Variants in SERINC2 observed in about 807,000 individuals in gnomAD.
The protein encoded by SERINC2 is serine incorporator 2.
SERINC2 carries 56 observed loss-of-function variants against 54.2 expected under a neutral mutation model. The ratio of observed to expected loss-of-function variants is 1.03; its 90% CI spans 0.83 to 1.29. The LOEUF is 1.29. Among genes scored for constraint, SERINC2 ranks in the 50% most tolerant of loss-of-function variants. SERINC2 has a pLI of 0.00. For missense variants in SERINC2, 614 were observed against 607.4 expected (o/e 1.01, Z -0.12); for synonymous variants, 272 against 253.1 (o/e 1.07, Z -0.71).
In SERINC2 at chr1:31,426,658, C is replaced by G. The variant is rs782506448; in HGVS notation, c.615C>G (p.Leu205=). Residue 205 remains leucine, a synonymous_variant, in exon 6 of 10, where the codon CTC becomes CTG. Transcript: ENST00000373709. Reference sequence around the variant, plus strand: ...CTCACTACCCCTCTGGCCCAGGCCTCTTCTTCTTCACTCTCCTCTTCTACT... The same window carrying G: ...CTCACTACCCCTCTGGCCCAGGCCTGTTCTTCTTCACTCTCCTCTTCTACT... ...ECDSRAWYAG[L]FFFTLLFYLL... 2 of 1,606,884 alleles carry G rather than the reference C, an allele frequency of 1.2e-6. No individual in the cohort carries two copies. The highest frequency in any genetic ancestry group is 1.7e-6 in the Non-Finnish European group (2 of 1,174,312).
intron 1 of SERINC2, chr1:31,414,053 C>G (rs781929083): frequency 6.6e-7 from 1 of 1,510,258 alleles, no homozygotes; most frequent in South Asian, 1.3e-5. Flanking sequence ...TAGCTGCCCT[C>G]GAGTGAGGCG....
At chr1:31,415,340 G>A (rs1385264536) in intron 1 of SERINC2, among the ~76,000 whole-genome samples, 3 of 152,164 alleles carry the variant, frequency 2.0e-5, no homozygotes, top group Non-Finnish European at 4.4e-5. Context: ...TGGGGTTCTG[G>A]CCTCCGACAT....
At chr1:31,433,917 G>T in intron 9 of SERINC2, 147 bp from the exon 10 acceptor site, 2 of 780,342 alleles carry the variant, frequency 2.6e-6, no homozygotes, top group Non-Finnish European at 4.2e-6. Flanking sequence ...CACAAGGCCG[G>T]GTGTTAAAAA....
At chr1:31,412,023 AAAAAG>A (rs1640658644), upstream of SERINC2, among the ~76,000 whole-genome samples, 1 of 150,848 alleles carries the variant, frequency 6.6e-6, no homozygotes, top group Non-Finnish European at 1.5e-5. Context: ...AAAAAAAAAA[AAAAAG>A]AGGAGGGCAT....
chr1:31,424,759 GCTACCGCGCTGT>G lies in SERINC2; in HGVS notation c.286_297del (p.Ala96_Arg99del), dbSNP rs1344027642. Reference sequence around the variant, plus strand: ...CACATCGACTGTGGCTCCCTGCTTGGCTACCGCGCTGTCTACCGCATGTGCTTCGCCACGGCG... The same window carrying G: ...CACATCGACTGTGGCTCCCTGCTTGGCTACCGCATGTGCTTCGCCACGGCG... On this transcript the variant is annotated inframe_deletion, in exon 3 of 10. Coordinates refer to ENST00000373709, the MANE Select transcript of SERINC2 (RefSeq NM_178865.5). 8.1e-6 allele frequency: 13 copies of G among 1,611,402 alleles called. No individual in the cohort carries two copies. The Admixed American group carries it at 2.2e-4, about 27-fold the overall frequency.
chr1:31,422,552 G>C (rs1640929040), intron 1 of SERINC2, among the ~76,000 whole-genome samples: 1 of 152,076 alleles, frequency 6.6e-6, no homozygotes, highest in Non-Finnish European at 1.5e-5. Flanking sequence ...GCACTTTTCT[G>C]GCAGTGGGTA....
In SERINC2 at chr1:31,432,972, G is replaced by A. The variant is rs147809380; in HGVS notation, c.1019G>A (p.Arg340His). 3.2e-4 allele frequency: 522 copies of A among 1,609,358 alleles called. 1 individual carries two copies. The highest frequency in any genetic ancestry group is 5.6e-4 in the African/African-American group (42 of 74,970). ...CCTTCCTCCCTCCCCTGCAGTCTGCGCTCCTCAGACCACCGGCAGGTGAAC... is the reference window on the plus strand; with the variant it reads ...CCTTCCTCCCTCCCCTGCAGTCTGCACTCCTCAGACCACCGGCAGGTGAAC... Reference protein sequence around the residue: ...FLLCTLFISLRSSDHRQVNSL... With the variant: ...FLLCTLFISLHSSDHRQVNSL... The change falls in exon 9 of 10, where the codon CGC becomes CAC. Residue 340 changes from arginine (R) to histidine (H), a missense_variant. Physicochemically the swap from Arg to His is conservative, Grantham distance 29. Coordinates refer to ENST00000373709, the MANE Select transcript of SERINC2 (RefSeq NM_178865.5).
intron 3 of SERINC2, 46 bp from the exon 4 acceptor site, chr1:31,425,284 C>T (rs782749499): frequency 4.2e-6 from 6 of 1,413,466 alleles, no homozygotes; most frequent in Non-Finnish European, 5.0e-6. Context: ...TCCAGTTTCC[C>T]TGCCTGCACT....
Position 31,413,676 on chromosome 1 carries a change from T to C in SERINC2, c.39+372T>C. 1.0e-6 allele frequency: 1 copy of C among 969,800 alleles called. No homozygotes were observed. Among genetic ancestry groups the C allele is most frequent in the Non-Finnish European group, 1.3e-6 (1 of 746,068 alleles). The allele number at this position is 969,800 out of a possible 1,614,324, so 60.1% of individuals were successfully genotyped here. ...ACTTGGGGCGGTCCTCGGGGTGGCC[T>C]CTGTCCCCGTCCCGGACGCCCTGGT... On this transcript the variant is annotated intron_variant, in intron 1 of 9. Transcript: ENST00000373709. The surrounding 1 kb of genome is among the most constrained non-coding windows in gnomAD (Gnocchi z 5.0).
At chr1:31,424,545 C>T (rs1640981309) in intron 2 of SERINC2, 138 bp from the exon 3 acceptor site, 3 of 690,558 alleles carry the variant, frequency 4.3e-6, no homozygotes, top group East Asian at 5.7e-5. Context: ...AGGGGCTCCC[C>T]TCCCTGTCTG....
Position 31,433,033 on chromosome 1 carries a change from A to G in SERINC2, c.1080A>G (p.Leu360=), listed in dbSNP as rs782722330. 3 of 1,549,220 alleles carry G rather than the reference A, an allele frequency of 1.9e-6. No individual in the cohort carries two copies. The South Asian group carries it at 3.4e-5, about 17-fold the overall frequency. The part of the protein sequence containing the change: ...LMQTEECPPM[L]DATQQQQQVA... ...AGACCGAGGAGTGCCCACCTATGCTAGACGCCACACAGCAGCAGCAGCAGG... is the reference window on the plus strand; with the variant it reads ...AGACCGAGGAGTGCCCACCTATGCTGGACGCCACACAGCAGCAGCAGCAGG... Residue 360 remains leucine, a synonymous_variant, in exon 9 of 10, where the codon CTA becomes CTG. Transcript: ENST00000373709.
Position 31,413,334 on chromosome 1 carries a change from C to A in SERINC2, c.39+30C>A. The A allele has an allele frequency of 8.4e-7, 1 of 1,189,694 alleles. No homozygotes were observed. The highest frequency in any genetic ancestry group is 1.1e-6 in the Non-Finnish European group (1 of 943,288). 73.7% of individuals were successfully genotyped at this position (1,189,694 alleles called of 1,614,324 possible). On this transcript the variant is annotated intron_variant, in intron 1 of 9. Transcript: ENST00000373709. The surrounding 1 kb of genome is among the most constrained non-coding windows in gnomAD (Gnocchi z 5.0). ...GTCCCGACCCCGGCGCCCGCCCGCG[C>A]GCGCCGCCCGTTCCTGCTGCGGGCC...
intron 1 of SERINC2, 109 bp from the exon 2 acceptor site, chr1:31,423,584 T>C (rs1383877800): frequency 1.7e-6 from 2 of 1,157,462 alleles, no homozygotes; most frequent in African/African-American, 3.0e-5. Context: ...TGGGGAACAG[T>C]GTGCTCCTGC....
rs1271259715 is a variant in SERINC2 at position 31,413,729 on chromosome 1, C to T, written c.39+425C>T. On this transcript the variant is annotated intron_variant, in intron 1 of 9. Coordinates refer to ENST00000373709, the MANE Select transcript of SERINC2 (RefSeq NM_178865.5). This position sits in a 1 kb window ranked among gnomAD's most constrained non-coding sequence, Gnocchi z 5.0. Reference sequence around the variant, plus strand: ...TCTGTGTAGGTCGCCCGGGCCCCGTCCCTCCTGGCGAGTGCCCTGCCCTAC... The same window carrying T: ...TCTGTGTAGGTCGCCCGGGCCCCGTTCCTCCTGGCGAGTGCCCTGCCCTAC... 1 of 1,300,722 alleles carries T rather than the reference C, an allele frequency of 7.7e-7. No individual in the cohort carries two copies. The highest frequency in any genetic ancestry group is 9.7e-7 in the Non-Finnish European group (1 of 1,027,374). 80.6% of individuals were successfully genotyped at this position (1,300,722 alleles called of 1,614,324 possible).
In SERINC2 at chr1:31,425,391, G is replaced by A; in HGVS notation, c.454G>A (p.Asp152Asn). 6.2e-7 allele frequency: 1 copy of A among 1,611,636 alleles called. No individual in the cohort carries two copies. The highest frequency in any genetic ancestry group is 1.1e-5 in the South Asian group (1 of 91,060). ...GLTVGAFYIP[D>N]GSFTNIWFYF... is the part of the protein sequence containing the mutation. ...CACCGTGGGTGCCTTCTACATTCCT[G>A]ACGGCTCCTTCACCAACAGTAGGCG... Residue 152 changes from aspartate to asparagine, a missense_variant, in exon 4 of 10, where the codon GAC (aspartate) becomes AAC (asparagine). Physicochemically the swap from Asp to Asn is conservative, Grantham distance 23 (BLOSUM62 1). Transcript: ENST00000373709.
chr1:31,414,454 T>TGAGAGAGAGAGAGAGA lies in SERINC2; in HGVS notation c.39+1156_39+1171dup, dbSNP rs149012313. 1.8e-5 allele frequency: 13 copies of TGAGAGAGAGAGAGAGA among 733,036 alleles called. No homozygotes were observed. In the African/African-American group the frequency reaches 3.2e-4, roughly 18 times the overall value. 45.4% of individuals were successfully genotyped at this position (733,036 alleles called of 1,614,324 possible). ...GTGTGTGTGTGTGTGTGTGTGTGTG[T>TGAGAGAGAGAGAGAGA]GAGAGAGAGAGAGAGAGAGAGGAGG... On this transcript the variant is annotated intron_variant, in intron 1 of 9. Transcript: ENST00000373709.
chr1:31,432,469 A>G (rs1230472205), intron 8 of SERINC2, among the ~76,000 whole-genome samples: 2 of 152,106 alleles, frequency 1.3e-5, no homozygotes, highest in Admixed American at 6.5e-5. Flanking sequence ...GCCATTGGTA[A>G]AACCACCTGA....
intron 8 of SERINC2, among the ~76,000 whole-genome samples, chr1:31,431,630 A>G (rs1198694485): frequency 1.3e-5 from 2 of 152,246 alleles, no homozygotes; most frequent in African/African-American, 4.8e-5. Flanking sequence ...CCAGGGGCAC[A>G]GGTCTGTTCT....
At chr1:31,431,446 AG>A (rs1641195917) in intron 8 of SERINC2, among the ~76,000 whole-genome samples, 1 of 151,994 alleles carries the variant, frequency 6.6e-6, no homozygotes. Context: ...TTTTACAGAT[AG>A]GGAAACTGAC....
Sources: gnomAD v4.1 joint callset for allele counts (sites outside exome capture counted in the v4.1 genomes callset) on GRCh38, gnomAD v4.1.1 for gene constraint, Gnocchi (gnomAD v3.1) non-coding constraint, MANE v1.5 for transcripts, NCBI Gene and HGNC (gene_info 2026-07-23, HGNC 2026-07-21) for gene names.